The following GRIK2 variants were observed in gnomAD, a reference collection of about 807,000 sequenced individuals.
GRIK2 encodes glutamate receptor ionotropic, kainate 2.
GRIK2 carries 32 observed loss-of-function variants against 100.3 expected under a neutral mutation model. The observed-to-expected ratio is 0.32, with a 90% CI of 0.24 to 0.43. GRIK2 has a LOEUF of 0.43. GRIK2 is among the 20% of genes least tolerant of loss of function. The pLI, the probability that GRIK2 is intolerant of heterozygous loss-of-function variation, is 1.00. For missense variants in GRIK2, 843 were observed against 1,114.9 expected (o/e 0.76, Z 3.47); for synonymous variants, 417 against 389.4 (o/e 1.07, Z -0.83).
chr6:101,730,698 A>C (rs1775204150), intron 7 of GRIK2, among the ~76,000 whole-genome samples: 2 of 151,854 alleles, frequency 1.3e-5, no homozygotes, highest in Admixed American at 1.3e-4. Context: ...AAAAGAGACA[A>C]GTGAAAGTGG....
chr6:101,603,651 GTA>G (rs1733686624), intron 2 of GRIK2, among the ~76,000 whole-genome samples: 1 of 151,588 alleles, frequency 6.6e-6, no homozygotes, highest in Non-Finnish European at 1.5e-5. Context: ...ATTATAACTA[GTA>G]TCTTTTCATG....
chr6:101,566,728 C>G (rs1777293305), intron 2 of GRIK2, among the ~76,000 whole-genome samples: 1 of 150,262 alleles, frequency 6.7e-6, no homozygotes, highest in Non-Finnish European at 1.5e-5. Context: ...TTAAGTAAAA[C>G]AAGAAAATTT....
At chr6:102,065,065 G>A (rs528414189) in intron 16 of GRIK2, among the ~76,000 whole-genome samples, 4 of 151,246 alleles carry the variant, frequency 2.6e-5, no homozygotes, top group African/African-American at 9.7e-5. Flanking sequence ...TATTCAAAGA[G>A]AAAATTAATA....
intron 2 of GRIK2, among the ~76,000 whole-genome samples, chr6:101,516,285 G>C (rs897935795): frequency 6.6e-6 from 1 of 151,916 alleles, no homozygotes; most frequent in African/African-American, 2.4e-5. Flanking sequence ...GCCAAAGCAA[G>C]ACTAAGCAAA....
At chr6:101,901,544 A>G (rs1787848745) in intron 12 of GRIK2, among the ~76,000 whole-genome samples, 1 of 151,858 alleles carries the variant, frequency 6.6e-6, no homozygotes, top group Admixed American at 6.6e-5. Context: ...ACAATAAGGA[A>G]TAATCTTGGC....
intron 2 of GRIK2, among the ~76,000 whole-genome samples, chr6:101,472,367 T>C (rs1771991526): frequency 1.3e-5 from 2 of 151,868 alleles, no homozygotes; most frequent in Admixed American, 1.3e-4. Context: ...TACCTTTTGT[T>C]CTGGTATTTT....
intron 10 of GRIK2, among the ~76,000 whole-genome samples, chr6:101,820,021 C>T (rs1428952473): frequency 6.6e-6 from 1 of 152,152 alleles, no homozygotes; most frequent in African/African-American, 2.4e-5. Context: ...TTTATCTTCA[C>T]TTCCCATTAT....
At chr6:101,837,189 T>C (rs1252690042) in intron 10 of GRIK2, among the ~76,000 whole-genome samples, 1 of 152,174 alleles carries the variant, frequency 6.6e-6, no homozygotes, top group African/African-American at 2.4e-5. Flanking sequence ...GTTTTAAACA[T>C]TGATGTCCAG....
intron 16 of GRIK2, among the ~76,000 whole-genome samples, chr6:102,060,129 G>T (rs1771673944): frequency 6.6e-6 from 1 of 150,668 alleles, no homozygotes; most frequent in South Asian, 2.1e-4. Flanking sequence ...TGGTATTGTT[G>T]TTTTTTTAGG....
chr6:102,061,254 C>A (rs747541003), intron 16 of GRIK2, among the ~76,000 whole-genome samples: 5 of 150,388 alleles, frequency 3.3e-5, no homozygotes, highest in African/African-American at 4.9e-5. Flanking sequence ...AATTTTACCA[C>A]CTTATTTTTA....
intron 2 of GRIK2, among the ~76,000 whole-genome samples, chr6:101,546,816 T>TTAC (rs1776257778): frequency 7.2e-6 from 1 of 139,140 alleles, no homozygotes; most frequent in Admixed American, 7.3e-5. Context: ...CATGTTTTTG[T>TTAC]TTCTTTTTTT....
At chr6:101,990,362 C>T (rs1479359618) in intron 14 of GRIK2, among the ~76,000 whole-genome samples, 1 of 151,572 alleles carries the variant, frequency 6.6e-6, no homozygotes, top group Non-Finnish European at 1.5e-5. Flanking sequence ...ATTTAAAATG[C>T]CAGACCCAGT....
At chr6:101,665,468 ATT>A (rs1035636126) in intron 4 of GRIK2, among the ~76,000 whole-genome samples, 13 of 152,194 alleles carry the variant, frequency 8.5e-5, no homozygotes, top group Admixed American at 7.9e-4. Flanking sequence ...CAAATCTAAA[ATT>A]TTATATTCTA....
chr6:101,884,362 G>C (rs1034140067), intron 11 of GRIK2, among the ~76,000 whole-genome samples: 4 of 152,104 alleles, frequency 2.6e-5, no homozygotes, highest in African/African-American at 9.7e-5. Context: ...TGATTTTCCA[G>C]CGTTAAACTG....
chr6:101,653,539 T>C (rs1781917799), intron 4 of GRIK2, among the ~76,000 whole-genome samples: 1 of 152,184 alleles, frequency 6.6e-6, no homozygotes, highest in Non-Finnish European at 1.5e-5. Context: ...TCCCTCTGCC[T>C]GAGTATTTTT....
chr6:101,412,114 C>T lies in GRIK2; in HGVS notation c.115+12722C>T, dbSNP rs1188651993. On this transcript the variant is annotated intron_variant, in intron 2 of 16. Transcript: ENST00000369134. ...AATCTCTTGGACAATACCATGGCAC[C>T]CCCATTCCCATCCCTAATGCTCTGA... Among the ~76,000 whole-genome samples the T allele has an allele frequency of 2.6e-5, 4 of 151,862 alleles. No homozygotes were observed. In the East Asian group the frequency reaches 5.8e-4, roughly 22 times the overall value.
intron 14 of GRIK2, among the ~76,000 whole-genome samples, chr6:101,975,707 A>G (rs1793319065): frequency 6.6e-6 from 1 of 151,934 alleles, no homozygotes; most frequent in Non-Finnish European, 1.5e-5. Context: ...AATGAAGGTC[A>G]AGGTGGGCAG....
intron 2 of GRIK2, among the ~76,000 whole-genome samples, chr6:101,559,431 A>G (rs1392946913): frequency 6.6e-6 from 1 of 152,088 alleles, no homozygotes; most frequent in East Asian, 1.9e-4. Context: ...TATGCCTTCA[A>G]TTCATTGAAT....
chr6:101,499,969 A>G (rs1210825809), intron 2 of GRIK2, among the ~76,000 whole-genome samples: 2 of 152,102 alleles, frequency 1.3e-5, no homozygotes, highest in African/African-American at 4.8e-5. Context: ...TTTTTATGAT[A>G]TTATAGGTGT....
Sources: gnomAD v4.1 joint callset for allele counts (sites outside exome capture counted in the v4.1 genomes callset) on GRCh38, gnomAD v4.1.1 for gene constraint, MANE v1.5 for transcripts, NCBI Gene and HGNC (gene_info 2026-07-23, HGNC 2026-07-21) for gene names.